ERBB4: variants seen among roughly 807,000 people sequenced by gnomAD.
The protein encoded by ERBB4 is receptor tyrosine-protein kinase erbB-4.
In ERBB4, 42 loss-of-function variants were observed where a neutral mutation model predicts 158.0. The ratio of observed to expected loss-of-function variants is 0.27; its 90% CI spans 0.21 to 0.34. The LOEUF (loss-of-function observed/expected upper bound fraction) is 0.34. Among genes scored for constraint, ERBB4 ranks in the 10% least tolerant of loss-of-function variants. ERBB4 has a pLI of 1.00. For synonymous variants in ERBB4, 583 were observed against 558.7 expected (o/e 1.04, Z -0.61); for missense variants, 1,333 against 1,624.1 (o/e 0.82, Z 3.08).
At chr2:211,812,018 C>T (rs1303369014) in intron 3 of ERBB4, among the ~76,000 whole-genome samples, 2 of 152,200 alleles carry the variant, frequency 1.3e-5, no homozygotes, top group Admixed American at 6.5e-5. Flanking sequence ...CTTCTGAAGC[C>T]TCCTTCTGTC....
At chr2:211,802,509 T>G (rs10175721) in intron 3 of ERBB4, among the ~76,000 whole-genome samples, 2 of 152,218 alleles carry the variant, frequency 1.3e-5, no homozygotes, top group East Asian at 3.8e-4. Context: ...GAAGAATTGT[T>G]GCAAACCAGA....
chr2:211,485,862 AAG>A (rs36112233), intron 20 of ERBB4, among the ~76,000 whole-genome samples: 32,088 of 148,258 alleles, frequency 0.22, 3,536 homozygotes, highest in African/African-American at 0.29. Context: ...ATAATAAAAA[AAG>A]AAAAAGAAAA....
chr2:212,472,943 C>G (rs752164535), intron 1 of ERBB4, among the ~76,000 whole-genome samples: 1 of 151,714 alleles, frequency 6.6e-6, no homozygotes, highest in African/African-American at 2.4e-5. Context: ...AAAGTGATTC[C>G]TATCCCCCAA....
At position 211,387,014 on chromosome 2, in the gene ERBB4, C is replaced by T. The variant is rs2125319388; in HGVS notation, c.3320G>A (p.Cys1107Tyr). The change falls in exon 27 of 28, where the codon TGT becomes TAT. Residue 1107 changes from cysteine (C) to tyrosine (Y), a missense_variant. Around this residue, in one of 5 missense-constraint regions of ERBB4, gnomAD observed 252 missense variants for 241.3 expected, o/e 1.04. Coordinates refer to ENST00000342788, the MANE Select transcript of ERBB4 (RefSeq NM_005235.3). Reference sequence around the variant, plus strand: ...CACTGGCTTGCGTAGGGTGCCATTACAGCAGGAGTCATCAAAAATCTCAGC... The same window carrying T: ...CACTGGCTTGCGTAGGGTGCCATTATAGCAGGAGTCATCAAAAATCTCAGC... ...ATAEIFDDSC[C>Y]NGTLRKPVAP... 1.2e-6 allele frequency: 2 copies of T among 1,614,080 alleles called. No homozygotes were observed. Among genetic ancestry groups the T allele is most frequent in the South Asian group, 2.2e-5 (2 of 91,074 alleles).
chr2:211,738,426 T>C (rs1297414834), intron 5 of ERBB4, among the ~76,000 whole-genome samples: 2 of 145,258 alleles, frequency 1.4e-5, no homozygotes, highest in Non-Finnish European at 3.0e-5. Context: ...TGGAGTGAAG[T>C]GGCATGATCT....
chr2:211,807,435 T>C (rs2076645659), intron 3 of ERBB4, among the ~76,000 whole-genome samples: 1 of 152,156 alleles, frequency 6.6e-6, no homozygotes, highest in South Asian at 2.1e-4. Context: ...AGGATGATGG[T>C]TTCTAGCTTC....
intron 2 of ERBB4, among the ~76,000 whole-genome samples, chr2:212,098,713 C>A (rs1256915957): frequency 2.0e-5 from 3 of 151,952 alleles, no homozygotes; most frequent in African/African-American, 7.3e-5. Context: ...ATGTGATGTG[C>A]AAATGCATTT....
At chr2:212,533,227 A>G (rs1197449993) in intron 1 of ERBB4, among the ~76,000 whole-genome samples, 2 of 152,202 alleles carry the variant, frequency 1.3e-5, no homozygotes, top group Non-Finnish European at 2.9e-5. Context: ...AGTTTACATT[A>G]TGTTTCTTAA....
Position 212,237,524 on chromosome 2 carries a change from GGGAGATGTGTCCCAGTCT to G in ERBB4, c.83-112639_83-112622del, listed in dbSNP as rs1190996624. 2.6e-5 allele frequency among the ~76,000 whole-genome samples: 4 copies of G among 152,158 alleles called. No homozygotes were observed. In the East Asian group the frequency reaches 7.7e-4, roughly 29 times the overall value. ...TATGAGGTGTCTGTCGACTCCTGCT[GGGAGATGTGTCCCAGTCT>G]GGAGGCACGGGGGTCAGGGACCCAC... On this transcript the variant is annotated intron_variant, in intron 1 of 27. Coordinates refer to ENST00000342788, the MANE Select transcript of ERBB4 (RefSeq NM_005235.3).
intron 3 of ERBB4, among the ~76,000 whole-genome samples, chr2:211,877,249 C>T (rs1220495669): frequency 1.3e-5 from 2 of 152,140 alleles, no homozygotes; most frequent in African/African-American, 4.8e-5. Context: ...TGGACTATGG[C>T]AGAATTTATG....
intron 3 of ERBB4, among the ~76,000 whole-genome samples, chr2:211,857,262 T>TAAAG (rs10681062): frequency 0.21 from 32,404 of 151,934 alleles, 3,591 homozygotes; most frequent in South Asian, 0.32. Context: ...CTTTGCAAAA[T>TAAAG]AGTTGGCAGT....
At chr2:211,624,121 C>T (rs1225658954) in intron 17 of ERBB4, 77 bp from the exon 18 acceptor site, 2 of 1,537,686 alleles carry the variant, frequency 1.3e-6, no homozygotes, top group Non-Finnish European at 1.8e-6. Flanking sequence ...CTCTCTCTCT[C>T]TCTTTGGTTC....
At chr2:211,741,858 T>G (rs1054519782) in intron 5 of ERBB4, among the ~76,000 whole-genome samples, 1 of 152,190 alleles carries the variant, frequency 6.6e-6, no homozygotes, top group Non-Finnish European at 1.5e-5. Context: ...CAACAAATAT[T>G]ATCAACTTAT....
intron 1 of ERBB4, among the ~76,000 whole-genome samples, chr2:212,240,593 G>A (rs185436708): frequency 3.9e-5 from 5 of 127,822 alleles, no homozygotes; most frequent in Admixed American, 1.8e-4. Flanking sequence ...AGCCGAGATC[G>A]TGCCATTGCA....
chr2:211,782,860 T>A (rs952442921), intron 4 of ERBB4, among the ~76,000 whole-genome samples: 14 of 152,310 alleles, frequency 9.2e-5, no homozygotes, highest in African/African-American at 3.4e-4. Context: ...ATACGGGCTC[T>A]TTTTTGGTTC....
intron 1 of ERBB4, among the ~76,000 whole-genome samples, chr2:212,361,599 G>A (rs146039924): frequency 6.6e-6 from 1 of 151,824 alleles, no homozygotes; most frequent in Non-Finnish European, 1.5e-5. Context: ...AATTCACAAT[G>A]TGTGAGAGTG....
At chr2:211,704,020 TAA>T in intron 11 of ERBB4, 82 bp downstream of exon 11, 1 of 831,514 alleles carries the variant, frequency 1.2e-6, no homozygotes, top group Non-Finnish European at 2.1e-6. Context: ...AGTAAATCAA[TAA>T]GAGTGATAGT....
At chr2:211,506,737 T>G (rs906201102) in intron 20 of ERBB4, among the ~76,000 whole-genome samples, 4 of 151,972 alleles carry the variant, frequency 2.6e-5, no homozygotes, top group African/African-American at 9.7e-5. Flanking sequence ...CTAAAACTTC[T>G]GAGATGTAGC....
chr2:212,045,147 CAATTAAATAT>C (rs1330223801), intron 2 of ERBB4, among the ~76,000 whole-genome samples: 2 of 152,136 alleles, frequency 1.3e-5, no homozygotes, highest in Non-Finnish European at 2.9e-5. Context: ...CTTGGTATGG[CAATTAAATAT>C]ACTACGTGAG....
Sources: gnomAD v4.1 joint callset for allele counts (sites outside exome capture counted in the v4.1 genomes callset) on GRCh38, gnomAD v4.1.1 for gene constraint, gnomAD v4.1.1 regional missense constraint, MANE v1.5 for transcripts, NCBI Gene and HGNC (gene_info 2026-07-23, HGNC 2026-07-21) for gene names.